The following WNT11 variants were observed in gnomAD, a reference collection of about 807,000 sequenced individuals.
WNT11 encodes protein Wnt-11.
In WNT11, 20 loss-of-function variants were observed where a neutral mutation model predicts 35.6. The ratio of observed to expected loss-of-function variants is 0.56; its 90% CI spans 0.40 to 0.82. The LOEUF (loss-of-function observed/expected upper bound fraction) is 0.82. Ranked by LOEUF, WNT11 falls within the 40% of genes least tolerant of loss-of-function variation. WNT11 has a pLI of 0.00. For missense variants in WNT11, 459 were observed against 504.4 expected, an observed-to-expected ratio of 0.91 and a Z score of 0.86; for synonymous variants, 200 against 211.9, an observed-to-expected ratio of 0.94 and a Z score of 0.49.
chr11:76,194,915 C>T lies in WNT11; in HGVS notation c.320-71G>A, dbSNP rs1953256970. On this transcript the variant is annotated intron_variant, in intron 2 of 4. Coordinates refer to ENST00000322563, the MANE Select transcript of WNT11 (RefSeq NM_004626.3). The surrounding 1 kb of genome is among the most constrained non-coding windows in gnomAD (Gnocchi z 5.4). ...GACCCTGCCCAGGTCAGAGGTCCTC[C>T]ACCTTCGCCCACACCCTGCTGTAAC... 7.0e-7 allele frequency: 1 copy of T among 1,426,852 alleles called. No homozygotes were observed. The allele number at this position is 1,426,852 out of a possible 1,614,324, so 88.4% of individuals were successfully genotyped here.
chr11:76,206,276 G>A, intron 1 of WNT11, 49 bp downstream of exon 1: 2 of 1,377,138 alleles, frequency 1.5e-6, no homozygotes, highest in South Asian at 1.6e-5. Flanking sequence ...AACGCCCTCC[G>A]CCGCCCCAGT....
At chr11:76,209,225 A>G (rs1025709015), upstream of WNT11, among the ~76,000 whole-genome samples, 1 of 152,040 alleles carries the variant, frequency 6.6e-6, no homozygotes, top group African/African-American at 2.4e-5. Context: ...CACCTCCTCG[A>G]AGTTGGTCCG....
chr11:76,192,357 G>C (rs181655597), intron 3 of WNT11, among the ~76,000 whole-genome samples: 199 of 152,310 alleles, frequency 1.3e-3, no homozygotes, highest in African/African-American at 4.7e-3. Context: ...AGGCAGAAAA[G>C]AAGAGAAGGA....
intron 3 of WNT11, among the ~76,000 whole-genome samples, chr11:76,193,548 T>C (rs1953221084): frequency 6.6e-6 from 1 of 152,228 alleles, no homozygotes; most frequent in Non-Finnish European, 1.5e-5. Context: ...GGCCAGGCTC[T>C]GCTATAGACC....
At chr11:76,197,902 C>A (rs7111101) in intron 1 of WNT11, among the ~76,000 whole-genome samples, 24,690 of 152,156 alleles carry the variant, frequency 0.16, 2,191 homozygotes, top group Admixed American at 0.22. Context: ...TCAGTGCCCC[C>A]ACCCACAGCA....
chr11:76,191,874 C>G lies in WNT11; in HGVS notation c.598-18G>C. ...CGCAGAGCCTGCGGACAGGGGAAGG[C>G]GTCAGCTGGGTGGCCAGAGTCCCCT... On this transcript the variant is annotated intron_variant, in intron 3 of 4. Transcript: ENST00000322563. 3 of 1,584,422 alleles carry G rather than the reference C, an allele frequency of 1.9e-6. No homozygotes were observed. Among genetic ancestry groups the G allele is most frequent in the Non-Finnish European group, 2.6e-6 (3 of 1,169,196 alleles).
In WNT11 at chr11:76,186,452, T is replaced by G. The variant is rs1007121794; in HGVS notation, c.*613A>C. On this transcript the variant is annotated 3_prime_UTR_variant, in exon 5 of 5. Transcript: ENST00000322563. The stretch of plus-strand genomic sequence containing the variant: ...TATTTCATACAGCTGCTTAAAAAGC[T>G]AGTTTTAAAATAGAGATCATTATAT... 6.6e-6 allele frequency: 1 copy of G among 150,882 alleles called. No individual in the cohort carries two copies. The highest frequency in any genetic ancestry group is 1.5e-5 in the Non-Finnish European group (1 of 67,828). 9.3% of individuals were successfully genotyped at this position (150,882 alleles called of 1,614,324 possible). A position where few individuals can be genotyped will look rare whatever the true frequency, so the allele number is the denominator to read the frequency against.
intron 2 of WNT11, 30 bp downstream of exon 2, chr11:76,196,453 C>T: frequency 1.2e-6 from 2 of 1,609,566 alleles, no homozygotes; most frequent in African/African-American, 1.3e-5. Flanking sequence ...CCCGCACCCA[C>T]ATGCATTCAG....
At chr11:76,209,310 G>C (rs1416940805), upstream of WNT11, among the ~76,000 whole-genome samples, 1 of 148,074 alleles carries the variant, frequency 6.8e-6, no homozygotes, top group African/African-American at 2.4e-5. Flanking sequence ...CGAGCGCAGC[G>C]CCGCAGCCCA....
intron 4 of WNT11, among the ~76,000 whole-genome samples, chr11:76,187,636 C>T (rs934382686): frequency 6.6e-6 from 1 of 151,518 alleles, no homozygotes; most frequent in African/African-American, 2.4e-5. Context: ...CAGGCACACA[C>T]CACCATGTCC....
rs267603195 is a variant in WNT11 at position 76,196,556 on chromosome 11, C to T, written c.246G>A (p.Arg82=). ...AGTTCCAGCGCATGTCGGCAAAGGC[C>T]CGGCGACAGGCCTTCATGACCTCGC... ...AAREVMKACR[R]AFADMRWNCS... Residue 82 remains arginine, a synonymous_variant, in exon 2 of 5, where the codon CGG becomes CGA. Coordinates refer to ENST00000322563, the MANE Select transcript of WNT11 (RefSeq NM_004626.3). 1 of 1,613,618 alleles carries T rather than the reference C, an allele frequency of 6.2e-7. No individual in the cohort carries two copies. The highest frequency in any genetic ancestry group is 1.1e-5 in the South Asian group (1 of 91,090).
rs1196600811 is a variant in WNT11 at position 76,194,813 on chromosome 11, C to G, written c.351G>C (p.Leu117=). The change falls in exon 3 of 5, where the codon CTG becomes CTC. Residue 117 remains leucine (L), a synonymous_variant. Coordinates refer to ENST00000322563, the MANE Select transcript of WNT11 (RefSeq NM_004626.3). This position sits in a 1 kb window ranked among gnomAD's most constrained non-coding sequence, Gnocchi z 5.4. The part of the protein sequence containing the change: ...GTRESAFVYA[L]SAAAISHAIA... ...TGGCGTGGCTGATGGCGGCGGCCGA[C>G]AGCGCATACACGAAGGCCGACTCCC... 6.5e-7 allele frequency: 1 copy of G among 1,544,586 alleles called. No homozygotes were observed. Among genetic ancestry groups the G allele is most frequent in the Admixed American group, 1.9e-5 (1 of 51,696 alleles).
chr11:76,210,150 G>A (rs180853865), upstream of WNT11, among the ~76,000 whole-genome samples: 1,319 of 151,894 alleles, frequency 8.7e-3, 21 homozygotes, highest in African/African-American at 0.031. Context: ...GAAGGAGGGG[G>A]TCGCCTGGGG....
chr11:76,208,196 ACGCCACCTGCGTGGCGCGTT>A (rs1953502794), upstream of WNT11, among the ~76,000 whole-genome samples: 1 of 152,140 alleles, frequency 6.6e-6, no homozygotes, highest in African/African-American at 2.4e-5. Flanking sequence ...TTGCACCGCG[ACGCCACCTGCGTGGCGCGTT>A]CCTGCGCGTG....
intron 1 of WNT11, 67 bp downstream of exon 1, chr11:76,206,258 G>A (rs1315416724): frequency 6.7e-6 from 9 of 1,336,970 alleles, no homozygotes; most frequent in Non-Finnish European, 8.8e-6. Context: ...CCATCCAGGG[G>A]ACCCCAAAAC....
At chr11:76,209,402 G>A (rs1953525480), upstream of WNT11, among the ~76,000 whole-genome samples, 1 of 152,084 alleles carries the variant, frequency 6.6e-6, no homozygotes, top group Non-Finnish European at 1.5e-5. Flanking sequence ...CGCCGGCCCG[G>A]CGAGGACTTG....
upstream of WNT11, among the ~76,000 whole-genome samples, chr11:76,208,973 G>A (rs1321341164): frequency 6.6e-6 from 1 of 152,070 alleles, no homozygotes. Context: ...GGGGCGCTAA[G>A]CCGGGGCTCG....
At chr11:76,196,355 C>T (rs115434348) in intron 2 of WNT11, 128 bp downstream of exon 2, 22 of 1,074,002 alleles carry the variant, frequency 2.0e-5, no homozygotes, top group Middle Eastern at 4.2e-4. Context: ...TGTATCCACC[C>T]GTCATTCATC....
Position 76,206,441 on chromosome 11 carries a change from A to C in WNT11, c.-34T>G, listed in dbSNP as rs930028138. The C allele has an allele frequency of 7.1e-7, 1 of 1,416,190 alleles. No homozygotes were observed. The highest frequency in any genetic ancestry group is 2.9e-5 in the Admixed American group (1 of 34,818). 87.7% of individuals were successfully genotyped at this position (1,416,190 alleles called of 1,614,324 possible). On this transcript the variant is annotated 5_prime_UTR_variant, in exon 1 of 5. Transcript: ENST00000322563. The stretch of plus-strand genomic sequence containing the variant: ...GGCGGGCGCGCCCGGGGTCACACCC[A>C]GGAGGAGCCGCGCCGAAGTCCTCCG...
Sources: allele counts gnomAD v4.1 joint callset (sites outside exome capture counted in the v4.1 genomes callset), GRCh38; gene constraint gnomAD v4.1.1; non-coding constraint Gnocchi (gnomAD v3.1); transcripts MANE v1.5; gene names NCBI Gene and HGNC (gene_info 2026-07-23, HGNC 2026-07-21).